NPSR1: variants seen among roughly 807,000 people sequenced by gnomAD.
NPSR1 encodes the protein neuropeptide S receptor 1.
Under a neutral mutation model 46.9 loss-of-function variants are expected in NPSR1, and 48 were observed. That is an observed-to-expected ratio of 1.02 (90% CI 0.81 to 1.30). NPSR1 has a LOEUF of 1.30. NPSR1 is among the 50% of genes most tolerant of loss of function. The pLI is 0.00. For missense variants in NPSR1, 450 were observed against 449.5 expected (o/e 1.00, Z -0.01); for synonymous variants, 176 against 168.1 (o/e 1.05, Z -0.36).
chr7:34,864,592 T>A (rs1437447319), intron 8 of NPSR1, among the ~76,000 whole-genome samples: 1 of 151,844 alleles, frequency 6.6e-6, no homozygotes, highest in Non-Finnish European at 1.5e-5. Context: ...AGAAAATTAA[T>A]GTCCAAAATA....
intron 2 of NPSR1, among the ~76,000 whole-genome samples, chr7:34,714,262 A>G (rs1248161098): frequency 6.6e-6 from 1 of 152,200 alleles, no homozygotes; most frequent in African/African-American, 2.4e-5. Flanking sequence ...AAATTATGAA[A>G]TGTCCATTCT....
At chr7:34,822,694 CTG>C (rs1789616398) in intron 4 of NPSR1, among the ~76,000 whole-genome samples, 1 of 152,110 alleles carries the variant, frequency 6.6e-6, no homozygotes, top group African/African-American at 2.4e-5. Context: ...GTTGAAATAG[CTG>C]TCTGGCCTTT....
chr7:34,694,411 A>G (rs1198669199), intron 2 of NPSR1, among the ~76,000 whole-genome samples: 1 of 152,122 alleles, frequency 6.6e-6, no homozygotes, highest in Non-Finnish European at 1.5e-5. Context: ...AATAGCCACA[A>G]AAAATAAAAT....
intron 3 of NPSR1, among the ~76,000 whole-genome samples, chr7:34,811,061 G>C (rs551514783): frequency 6.6e-6 from 1 of 152,182 alleles, no homozygotes; most frequent in Non-Finnish European, 1.5e-5. Flanking sequence ...GTGGGTGCCT[G>C]TGACTCCTGA....
chr7:34,751,777 C>T lies in NPSR1; in HGVS notation c.281-26685C>T, dbSNP rs748487334. On this transcript the variant is annotated intron_variant, in intron 2 of 8. Coordinates refer to ENST00000360581, the MANE Select transcript of NPSR1 (RefSeq NM_207172.2). The stretch of plus-strand genomic sequence containing the variant: ...TAGCTTCTCCAGGGCCTGTTTTGCA[C>T]AGCCCTGCCATATCTGGGCACAGAT... 427 of 1,588,274 alleles carry T rather than the reference C, an allele frequency of 2.7e-4. 3 individuals are homozygous for T. Among genetic ancestry groups the T allele is most frequent in the Middle Eastern group, 5.0e-4 (3 of 6,034 alleles).
intron 3 of NPSR1, among the ~76,000 whole-genome samples, chr7:34,789,887 T>C (rs1787651173): frequency 6.6e-6 from 1 of 151,972 alleles, no homozygotes; most frequent in Admixed American, 6.6e-5. Context: ...TAATAAAATG[T>C]TTCCATTCCA....
chr7:34,719,523 A>T (rs10486655), intron 2 of NPSR1: 20,474 of 152,268 alleles, frequency 0.13, 1,679 homozygotes, highest in Non-Finnish European at 0.18. Context: ...AGTCCCTAGA[A>T]AATGATGACA....
intron 2 of NPSR1, among the ~76,000 whole-genome samples, chr7:34,689,969 G>C (rs1158416088): frequency 2.0e-5 from 3 of 148,412 alleles, no homozygotes; most frequent in East Asian, 2.0e-4. Context: ...AAAAAAAAAA[G>C]GAAAAGAAAA....
At chr7:34,799,241 T>C (rs1788352830) in intron 3 of NPSR1, among the ~76,000 whole-genome samples, 2 of 152,064 alleles carry the variant, frequency 1.3e-5, no homozygotes, top group Admixed American at 6.5e-5. Context: ...CATAAACGTA[T>C]ATTATTTTGT....
chr7:34,823,692 A>G (rs1187573048), intron 4 of NPSR1, among the ~76,000 whole-genome samples: 2 of 152,140 alleles, frequency 1.3e-5, no homozygotes, highest in East Asian at 3.8e-4. Context: ...GAATAACAAG[A>G]ACTGAGAAAA....
chr7:34,811,855 T>C lies in NPSR1; in HGVS notation c.470T>C (p.Leu157Pro). 30 of 1,612,384 alleles carry C rather than the reference T, an allele frequency of 1.9e-5. No homozygotes were observed. The highest frequency in any genetic ancestry group is 2.5e-5 in the Non-Finnish European group (30 of 1,178,908). The change falls in exon 4 of 9, where the codon CTT (leucine) becomes CCT (proline). Residue 157 changes from leucine (L) to proline (P), a missense_variant. Coordinates refer to ENST00000360581, the MANE Select transcript of NPSR1 (RefSeq NM_207172.2). ...GCCATCGTCTACCCCATGAAGTTCC[T>C]TCAAGGAGGTGAGCTGGCTTTACCA... is the stretch of plus-strand genomic sequence containing the variant. ...YHAIVYPMKF[L>P]QGEKQARVLI...
At chr7:34,813,008 T>C (rs754159880) in intron 4 of NPSR1, among the ~76,000 whole-genome samples, 3 of 152,158 alleles carry the variant, frequency 2.0e-5, no homozygotes, top group Non-Finnish European at 4.4e-5. Context: ...TCATTTACTA[T>C]TGACAGGGGT....
At chr7:34,702,768 T>C (rs1793896695) in intron 2 of NPSR1, among the ~76,000 whole-genome samples, 1 of 152,226 alleles carries the variant, frequency 6.6e-6, no homozygotes, top group African/African-American at 2.4e-5. Flanking sequence ...ATTATTTATT[T>C]AGAAAAAGTT....
chr7:34,663,098 G>GGA (rs1210008652), intron 1 of NPSR1, among the ~76,000 whole-genome samples: 2 of 128,974 alleles, frequency 1.6e-5, no homozygotes, highest in Non-Finnish European at 1.6e-5. Context: ...TGTGTGGCGG[G>GGA]GGGGAGTGGG....
chr7:34,723,912 A>G (rs1255237160), intron 2 of NPSR1, among the ~76,000 whole-genome samples: 1 of 152,232 alleles, frequency 6.6e-6, no homozygotes, highest in Non-Finnish European at 1.5e-5. Context: ...TGAATATATC[A>G]CTGTCTTTAT....
At chr7:34,689,603 T>TC (rs1793121116) in intron 2 of NPSR1, among the ~76,000 whole-genome samples, 1 of 8,322 alleles carries the variant, frequency 1.2e-4, no homozygotes, top group Non-Finnish European at 1.8e-4. Flanking sequence ...AGACTCTGTC[T>TC]CAAAAAAAAA....
At position 34,684,551 on chromosome 7, in the gene NPSR1, G is replaced by T. The variant is rs991835526; in HGVS notation, c.148-1G>T. On this transcript the variant is annotated splice_acceptor_variant, in intron 1 of 8. Transcript: ENST00000360581. LOFTEE classifies it high-confidence loss of function. ...GTTTTATTTTTCTCTGTTTCTTGCA[G>T]ACTGAGCAATTGATAACTCTGTGGG... 1 of 1,612,998 alleles carries T rather than the reference G, an allele frequency of 6.2e-7. No homozygotes were observed. The highest frequency in any genetic ancestry group is 1.3e-5 in the African/African-American group (1 of 74,978).
chr7:34,688,028 C>T (rs1167689347), intron 2 of NPSR1, among the ~76,000 whole-genome samples: 1 of 152,176 alleles, frequency 6.6e-6, no homozygotes, highest in African/African-American at 2.4e-5. Flanking sequence ...CCAAAGCATA[C>T]TGGCTTTGAT....
intron 3 of NPSR1, among the ~76,000 whole-genome samples, chr7:34,790,276 G>A (rs1787667883): frequency 6.6e-6 from 1 of 152,052 alleles, no homozygotes. Flanking sequence ...AAAGGCATAT[G>A]ATCATCTTAA....
Sources: allele counts gnomAD v4.1 joint callset (sites outside exome capture counted in the v4.1 genomes callset), GRCh38; gene constraint gnomAD v4.1.1; transcripts MANE v1.5; gene names NCBI Gene and HGNC (gene_info 2026-07-23, HGNC 2026-07-21).